The following SEPTIN5 variants were observed in gnomAD, a reference collection of about 807,000 sequenced individuals.
SEPTIN5 encodes septin 5, also known as septin-5.
In SEPTIN5, 16 loss-of-function variants were observed where a neutral mutation model predicts 51.2. That is an observed-to-expected ratio of 0.31 (90% CI 0.21 to 0.47). SEPTIN5 has a LOEUF of 0.47. Ranked by LOEUF, SEPTIN5 falls within the 20% of genes least tolerant of loss-of-function variation. SEPTIN5 has a pLI of 0.99. For synonymous variants in SEPTIN5, 208 were observed against 191.2 expected (o/e 1.09, Z -0.72); for missense variants, 376 against 500.3 (o/e 0.75, Z 2.37).
At chr22:19,719,949 C>G in intron 4 of SEPTIN5, 57 bp downstream of exon 4, 1 of 1,598,854 alleles carries the variant, frequency 6.3e-7, no homozygotes, top group Non-Finnish European at 8.6e-7. Context: ...CATGGGACCT[C>G]TCCAAGGACT....
rs1936075334 is a variant in SEPTIN5 at position 19,722,796 on chromosome 22, C to T, written c.*312C>T. On this transcript the variant is annotated 3_prime_UTR_variant, in exon 12 of 12. Coordinates refer to ENST00000455784, the MANE Select transcript of SEPTIN5 (RefSeq NM_002688.6). ...AAACCGCAGGCCCTGCTCTGGCAGG[C>T]AGGCAAAGCTAGGCAGAAGAGGATT... 1 of 508,256 alleles carries T rather than the reference C, an allele frequency of 2.0e-6. No homozygotes were observed. Among genetic ancestry groups the T allele is most frequent in the Non-Finnish European group, 3.6e-6 (1 of 279,670 alleles). 31.5% of individuals were successfully genotyped at this position (508,256 alleles called of 1,614,324 possible). A position where few individuals can be genotyped will look rare whatever the true frequency, so the allele number is the denominator to read the frequency against.
chr22:19,716,070 C>A (rs1935907367), intron 2 of SEPTIN5, among the ~76,000 whole-genome samples: 2 of 152,244 alleles, frequency 1.3e-5, no homozygotes, highest in South Asian at 4.1e-4. Flanking sequence ...CAGCCAGGTT[C>A]TCTTGCCCAT....
chr22:19,718,875 G>C, intron 2 of SEPTIN5: 1 of 1,226,818 alleles, frequency 8.2e-7, no homozygotes, highest in Non-Finnish European at 1.0e-6. Context: ...TCCGGGACTC[G>C]GCATGGGGTC....
At position 19,714,877 on chromosome 22, in the gene SEPTIN5, A is replaced by G; in HGVS notation, c.54+86A>G. ...CTAGCGCCTTGGGCGCCCAGGCGCG[A>G]CCCCGCCCCCGCCGGCCCTCACCCA... On this transcript the variant is annotated intron_variant, in intron 2 of 11. Coordinates refer to ENST00000455784, the MANE Select transcript of SEPTIN5 (RefSeq NM_002688.6). This position sits in a 1 kb window ranked among gnomAD's most constrained non-coding sequence, Gnocchi z 5.2. The G allele has an allele frequency of 7.0e-7, 1 of 1,427,938 alleles. No individual in the cohort carries two copies. The highest frequency in any genetic ancestry group is 2.1e-5 in the Admixed American group (1 of 46,618). The allele number at this position is 1,427,938 out of a possible 1,614,324, so 88.5% of individuals were successfully genotyped here. A position where few individuals can be genotyped will look rare whatever the true frequency, so the allele number is the denominator to read the frequency against.
rs1455429434 is a variant in SEPTIN5 at position 19,723,113 on chromosome 22, C to A, written c.*629C>A. ...GGCCCCCGGGGCACTGGGCGGTGAG[C>A]CACCTCCTGGCAACTCTCGGTGCCG... On this transcript the variant is annotated 3_prime_UTR_variant, in exon 12 of 12. Transcript: ENST00000455784. 1 of 543,838 alleles carries A rather than the reference C, an allele frequency of 1.8e-6. No individual in the cohort carries two copies. The highest frequency in any genetic ancestry group is 3.5e-6 in the Non-Finnish European group (1 of 283,196). 33.7% of individuals were successfully genotyped at this position (543,838 alleles called of 1,614,324 possible). A position where few individuals can be genotyped will look rare whatever the true frequency, so the allele number is the denominator to read the frequency against.
Position 19,720,232 on chromosome 22 carries a change from C to G in SEPTIN5, c.356C>G (p.Thr119Ser), listed in dbSNP as rs1568996917. The G allele has an allele frequency of 1.2e-6, 2 of 1,613,438 alleles. No individual in the cohort carries two copies. Among genetic ancestry groups the G allele is most frequent in the Admixed American group, 1.7e-5 (1 of 59,998 alleles). The change falls in exon 5 of 12, where the codon ACC becomes AGC. Residue 119 changes from threonine to serine, a missense_variant. Physicochemically the swap from Thr to Ser is moderately conservative, Grantham distance 58. Around this residue, in one of 2 missense-constraint regions of SEPTIN5, gnomAD observed 287 missense variants for 417.1 expected, o/e 0.69. Coordinates refer to ENST00000455784, the MANE Select transcript of SEPTIN5 (RefSeq NM_002688.6). Reference sequence around the variant, plus strand: ...GGATTCGGGGACGCTGTCAACAACACCGAGTGGTGAGTGAGGCCTGCTGAG... The same window carrying G: ...GGATTCGGGGACGCTGTCAACAACAGCGAGTGGTGAGTGAGGCCTGCTGAG... ...TPGFGDAVNN[T>S]ECWKPITDYV...
intron 8 of SEPTIN5, 134 bp from the exon 9 acceptor site, chr22:19,721,506 C>A: frequency 2.0e-6 from 2 of 986,238 alleles, no homozygotes; most frequent in Non-Finnish European, 1.5e-6. Context: ...AAAGGGGCAA[C>A]GCCAGGATCT....
intron 7 of SEPTIN5, 24 bp downstream of exon 7, chr22:19,720,690 C>A (rs768430777): frequency 6.2e-7 from 1 of 1,612,496 alleles, no homozygotes; most frequent in East Asian, 2.2e-5. Context: ...CGCACAGGGG[C>A]CTGGCCAGGG....
chr22:19,722,835 G>GTC lies in SEPTIN5; in HGVS notation c.*353_*354dup, dbSNP rs1303220134. 2.1e-6 allele frequency: 1 copy of GTC among 472,064 alleles called. No individual in the cohort carries two copies. Among genetic ancestry groups the GTC allele is most frequent in the Non-Finnish European group, 3.9e-6 (1 of 256,024 alleles). 29.2% of individuals were successfully genotyped at this position (472,064 alleles called of 1,614,324 possible). On this transcript the variant is annotated 3_prime_UTR_variant, in exon 12 of 12. Coordinates refer to ENST00000455784, the MANE Select transcript of SEPTIN5 (RefSeq NM_002688.6). ...CAGAAGAGGATTCCCAGGATCCTGG[G>GTC]TCTGTTCCCTGCCCCAGTGCTGCAG...
At chr22:19,718,976 A>G in intron 2 of SEPTIN5, 1 of 690,376 alleles carries the variant, frequency 1.4e-6, no homozygotes, top group Non-Finnish European at 2.0e-6. Context: ...CGGTGGGGCG[A>G]CGTGCCCTGT....
rs1179594432 is a variant in SEPTIN5 at position 19,720,718 on chromosome 22, C to G, written c.616-50C>G. The G allele has an allele frequency of 1.9e-6, 3 of 1,611,212 alleles. No individual in the cohort carries two copies. The African/African-American group carries it at 4.0e-5, about 22-fold the overall frequency. On this transcript the variant is annotated intron_variant, in intron 7 of 11. Transcript: ENST00000455784. The stretch of plus-strand genomic sequence containing the variant: ...GGCCAGGGCCCTGGGGCTGAGAGTA[C>G]CAGGGGGACTTGTCTGGCCTCAAAT...
chr22:19,717,854 G>T (rs1456787117), intron 2 of SEPTIN5: 1 of 178,382 alleles, frequency 5.6e-6, no homozygotes, highest in African/African-American at 2.4e-5. Context: ...GTATACACGC[G>T]CACACACGCA....
intron 3 of SEPTIN5, 51 bp from the exon 4 acceptor site, chr22:19,719,755 G>A (rs1178994453): frequency 6.2e-7 from 1 of 1,611,854 alleles, no homozygotes; most frequent in Non-Finnish European, 8.5e-7. Context: ...GCCAAGCTCT[G>A]TCGTTGGAGC....
chr22:19,718,382 TC>T, intron 2 of SEPTIN5: 1 of 1,018,184 alleles, frequency 9.8e-7, no homozygotes, highest in Non-Finnish European at 1.2e-6. Context: ...GGCGACCGTT[TC>T]CCGGCGACGG....
intron 8 of SEPTIN5, among the ~76,000 whole-genome samples, chr22:19,721,320 G>A (rs1308105859): frequency 6.6e-6 from 1 of 152,094 alleles, no homozygotes; most frequent in Non-Finnish European, 1.5e-5. Context: ...CCAGGGCAGG[G>A]GCATCAGCAT....
chr22:19,721,385 C>T (rs1936028835), intron 8 of SEPTIN5, among the ~76,000 whole-genome samples: 1 of 151,966 alleles, frequency 6.6e-6, no homozygotes, highest in African/African-American at 2.4e-5. Flanking sequence ...GGGGGTGGTT[C>T]TTGATGAGGG....
At position 19,723,013 on chromosome 22, in the gene SEPTIN5, A is replaced by G; in HGVS notation, c.*529A>G. 4.4e-6 allele frequency: 2 copies of G among 454,350 alleles called. No individual in the cohort carries two copies. The highest frequency in any genetic ancestry group is 3.9e-5 in the South Asian group (2 of 51,840). 28.1% of individuals were successfully genotyped at this position (454,350 alleles called of 1,614,324 possible). Reference sequence around the variant, plus strand: ...AATCAAATGGGAGCCCTCCAGACATAAGGAGGCCAGAGGCTGCAAGGAGCG... The same window carrying G: ...AATCAAATGGGAGCCCTCCAGACATGAGGAGGCCAGAGGCTGCAAGGAGCG... On this transcript the variant is annotated 3_prime_UTR_variant, in exon 12 of 12. Transcript: ENST00000455784.
intron 11 of SEPTIN5, 30 bp downstream of exon 11, chr22:19,722,369 G>A (rs967385393): frequency 1.9e-6 from 3 of 1,596,284 alleles, no homozygotes; most frequent in Non-Finnish European, 1.7e-6. Context: ...CGGCGGAGGC[G>A]GGCGTCAGGG....
intron 2 of SEPTIN5, chr22:19,717,900 GCACGGACGCGCA>G (rs1353439513): frequency 1.9e-5 from 3 of 159,572 alleles, no homozygotes; most frequent in African/African-American, 7.2e-5. Context: ...ACACACACCC[GCACGGACGCGCA>G]CACACAAACG....
Sources: allele counts gnomAD v4.1 joint callset (sites outside exome capture counted in the v4.1 genomes callset), GRCh38; gene constraint gnomAD v4.1.1; regional missense constraint gnomAD v4.1.1; non-coding constraint Gnocchi (gnomAD v3.1); transcripts MANE v1.5; gene names NCBI Gene and HGNC (gene_info 2026-07-23, HGNC 2026-07-21).